Variants in CDH23 observed in about 807,000 individuals in gnomAD.
The protein encoded by CDH23 is cadherin related 23.
A neutral mutation model predicts 317.1 loss-of-function variants in CDH23; 189 were observed. The ratio of observed to expected loss-of-function variants is 0.60; its 90% confidence interval spans 0.53 to 0.67. The LOEUF is 0.67. Among genes scored for constraint, CDH23 ranks in the 30% least tolerant of loss-of-function variants. The pLI is 0.00. For missense variants in CDH23, 4,401 were observed against 4,592.4 expected, an observed-to-expected ratio of 0.96 and a Z score of 1.20; for synonymous variants, 1,839 against 1,876.8, an observed-to-expected ratio of 0.98 and a Z score of 0.52.
chr10:71,667,896 C>T (rs1863981966), intron 14 of CDH23, among the ~76,000 whole-genome samples: 2 of 152,076 alleles, frequency 1.3e-5, no homozygotes, highest in South Asian at 4.1e-4. Context: ...AGGGGGACTA[C>T]ATGAGAGGGT....
intron 3 of CDH23, among the ~76,000 whole-genome samples, chr10:71,477,460 C>T (rs1408822599): frequency 6.6e-6 from 1 of 152,218 alleles, no homozygotes; most frequent in African/African-American, 2.4e-5. Context: ...TGAGCCACCG[C>T]GCCCAGCCCC....
chr10:71,672,683 G>A (rs547411506), intron 14 of CDH23, among the ~76,000 whole-genome samples: 4 of 152,174 alleles, frequency 2.6e-5, no homozygotes, highest in African/African-American at 9.7e-5. Flanking sequence ...CCTTGCAGGG[G>A]TTGGGGGTGT....
At chr10:71,753,051 CA>C in intron 38 of CDH23, 1 of 1,595,680 alleles carries the variant, frequency 6.3e-7, no homozygotes, top group Non-Finnish European at 8.6e-7. Flanking sequence ...AAGGCTTCCC[CA>C]TACAACATCC....
At chr10:71,773,534 T>A in intron 38 of CDH23, 2 of 1,257,906 alleles carry the variant, frequency 1.6e-6, no homozygotes, top group Non-Finnish European at 2.2e-6. Context: ...TGCGAGCGAG[T>A]GAGCGCTGCG....
intron 6 of CDH23, among the ~76,000 whole-genome samples, chr10:71,523,993 C>T (rs541506086): frequency 6.6e-6 from 1 of 152,358 alleles, no homozygotes; most frequent in African/African-American, 2.4e-5. Context: ...ACATCACCCT[C>T]CCCGTTTTTC....
rs1395557831 is a variant in CDH23 at position 71,687,637 on chromosome 10, T to C, written c.1987-10T>C. On this transcript the variant is annotated splice_polypyrimidine_tract_variant and intron_variant, in intron 18 of 69. Transcript: ENST00000224721. Reference sequence around the variant, plus strand: ...TGCAGCCTCCTGCAACCTGTCTGTGTTCCTTCCAGGATGAGAATGACAACC... The same window carrying C: ...TGCAGCCTCCTGCAACCTGTCTGTGCTCCTTCCAGGATGAGAATGACAACC... The C allele has an allele frequency of 6.2e-7, 1 of 1,613,706 alleles. No individual in the cohort carries two copies. The highest frequency in any genetic ancestry group is 8.5e-7 in the Non-Finnish European group (1 of 1,179,738).
At chr10:71,525,289 A>C (rs1854972714) in intron 6 of CDH23, among the ~76,000 whole-genome samples, 1 of 152,250 alleles carries the variant, frequency 6.6e-6, no homozygotes, top group South Asian at 2.1e-4. Context: ...TGTTGTTTTA[A>C]GCCACTACGT....
chr10:71,520,670 C>G (rs542968797), intron 6 of CDH23, among the ~76,000 whole-genome samples: 1 of 152,232 alleles, frequency 6.6e-6, no homozygotes, highest in South Asian at 2.1e-4. Flanking sequence ...GCAGTAGGCC[C>G]GGACTGCCTT....
chr10:71,424,371 T>C (rs892867153), intron 1 of CDH23, among the ~76,000 whole-genome samples: 1 of 152,216 alleles, frequency 6.6e-6, no homozygotes, highest in East Asian at 1.9e-4. Context: ...GCTGTGATAT[T>C]AACACGCGTA....
chr10:71,540,997 T>C (rs1036689390), intron 6 of CDH23, among the ~76,000 whole-genome samples: 2 of 151,754 alleles, frequency 1.3e-5, no homozygotes, highest in African/African-American at 4.8e-5. Context: ...ATCCCTCTGG[T>C]GGTCAGGAGG....
intron 11 of CDH23, among the ~76,000 whole-genome samples, chr10:71,641,028 G>A (rs530348852): frequency 6.6e-6 from 1 of 152,236 alleles, no homozygotes; most frequent in East Asian, 1.9e-4. Context: ...CCATGGTCTA[G>A]GGTGCAGCAT....
At chr10:71,508,677 C>A (rs920124166) in intron 3 of CDH23, among the ~76,000 whole-genome samples, 1 of 152,066 alleles carries the variant, frequency 6.6e-6, no homozygotes, top group African/African-American at 2.4e-5. Context: ...GTATTTGGGG[C>A]AGGTAGTGTC....
chr10:71,530,563 G>T (rs1463882323), intron 6 of CDH23, among the ~76,000 whole-genome samples: 1 of 152,210 alleles, frequency 6.6e-6, no homozygotes, highest in Non-Finnish European at 1.5e-5. Context: ...TGTGAGGCTA[G>T]GTCTCTCGAG....
chr10:71,675,319 C>A, intron 15 of CDH23, 143 bp downstream of exon 15: 1 of 679,122 alleles, frequency 1.5e-6, no homozygotes, highest in Admixed American at 2.4e-5. Context: ...AAGTTGGAAC[C>A]CATGGGCACT....
rs201712138 is a variant in CDH23 at position 71,687,737 on chromosome 10, G to A, written c.2059+18G>A. 8.6e-5 allele frequency: 139 copies of A among 1,611,862 alleles called. No individual in the cohort carries two copies. Among genetic ancestry groups the A allele is most frequent in the Non-Finnish European group, 1.1e-4 (132 of 1,178,880 alleles). On this transcript the variant is annotated intron_variant, in intron 19 of 69. Transcript: ENST00000224721. ...CATGGCAGGTACAGGCTCAGGTCGG[G>A]GGGTGGGGGGCACATGGAGGTAGGC...
intron 14 of CDH23, among the ~76,000 whole-genome samples, chr10:71,672,756 C>T (rs1864199982): frequency 6.6e-6 from 1 of 152,182 alleles, no homozygotes; most frequent in Non-Finnish European, 1.5e-5. Flanking sequence ...CCTAATTTCC[C>T]TGGGCCTCAG....
chr10:71,491,048 A>G (rs539954530), intron 3 of CDH23, among the ~76,000 whole-genome samples: 29 of 152,202 alleles, frequency 1.9e-4, no homozygotes, highest in Non-Finnish European at 3.4e-4. Flanking sequence ...GGCTGTAACC[A>G]GTCTTGGCTC....
chr10:71,663,781 G>A (rs1466822474), intron 14 of CDH23, among the ~76,000 whole-genome samples: 2 of 152,150 alleles, frequency 1.3e-5, no homozygotes, highest in Admixed American at 6.5e-5. Context: ...TGCAGTTATC[G>A]TCAGCCAGTC....
intron 9 of CDH23, among the ~76,000 whole-genome samples, chr10:71,595,786 G>C (rs1465720640): frequency 6.6e-6 from 1 of 152,124 alleles, no homozygotes; most frequent in East Asian, 1.9e-4. Context: ...GCCTGCCTGG[G>C]ACTGCCCAGG....
Sources: gnomAD v4.1 joint callset for allele counts (sites outside exome capture counted in the v4.1 genomes callset) on GRCh38, gnomAD v4.1.1 for gene constraint, MANE v1.5 for transcripts, NCBI Gene and HGNC (gene_info 2026-07-23, HGNC 2026-07-21) for gene names.